Variants in RCAN1 observed in about 807,000 individuals in gnomAD.
The protein encoded by RCAN1 is regulator of calcineurin 1, also known as calcipressin-1.
A neutral mutation model predicts 22.9 loss-of-function variants in RCAN1; 11 were observed. The observed-to-expected ratio is 0.48, with a 90% CI of 0.30 to 0.79. The LOEUF (loss-of-function observed/expected upper bound fraction) is 0.79, where lower values mean the gene tolerates loss of function less well. Ranked by LOEUF, RCAN1 falls within the 30% of genes least tolerant of loss-of-function variation. RCAN1 has a pLI of 0.06. For synonymous variants in RCAN1, 136 were observed against 142.3 expected, an observed-to-expected ratio of 0.96 and a Z score of 0.32; for missense variants, 291 against 337.8, an observed-to-expected ratio of 0.86 and a Z score of 1.09.
chr21:34,523,895 G>T (rs1462274478), intron 1 of RCAN1, 185 bp from the exon 2 acceptor site: 6 of 439,886 alleles, frequency 1.4e-5, no homozygotes, highest in East Asian at 9.3e-5. Flanking sequence ...TGATTCTCCT[G>T]CCTCAGCCTC....
intron 1 of RCAN1, among the ~76,000 whole-genome samples, chr21:34,585,990 A>T (rs754707036): frequency 2.0e-5 from 3 of 152,164 alleles, no homozygotes; most frequent in Non-Finnish European, 2.9e-5. Flanking sequence ...CCAGGCTGAT[A>T]CAACAATCCT....
At chr21:34,566,307 G>A (rs1031436346) in intron 1 of RCAN1, among the ~76,000 whole-genome samples, 1 of 152,198 alleles carries the variant, frequency 6.6e-6, no homozygotes, top group African/African-American at 2.4e-5. Context: ...ACTAGGGTCT[G>A]TGGCAGGTTA....
intron 1 of RCAN1, among the ~76,000 whole-genome samples, chr21:34,578,586 C>T (rs1310740476): frequency 6.6e-6 from 1 of 152,170 alleles, no homozygotes; most frequent in Non-Finnish European, 1.5e-5. Context: ...CTGGTGTCTG[C>T]TCTGGTCTTG....
chr21:34,598,170 A>G (rs1341673439), intron 1 of RCAN1, among the ~76,000 whole-genome samples: 4 of 152,218 alleles, frequency 2.6e-5, no homozygotes, highest in Non-Finnish European at 4.4e-5. Context: ...TTTCGTTTTC[A>G]TTCTTGTAAG....
chr21:34,523,523 T>C lies in RCAN1; in HGVS notation c.426+14A>G, dbSNP rs370153477. The C allele has an allele frequency of 6.2e-7, 1 of 1,613,120 alleles. No individual in the cohort carries two copies. The highest frequency in any genetic ancestry group is 8.5e-7 in the Non-Finnish European group (1 of 1,179,508). On this transcript the variant is annotated intron_variant, in intron 2 of 3. Coordinates refer to ENST00000313806, the MANE Select transcript of RCAN1 (RefSeq NM_004414.7). ...GAGGAGGGAGAAGCATGCATAGCAA[T>C]GAACCCAACTCACCTGAGCAAAATA... is the stretch of plus-strand genomic sequence containing the variant.
Position 34,614,144 on chromosome 21 carries a change from A to G in RCAN1, c.252+616T>C. 1 of 785,778 alleles carries G rather than the reference A, an allele frequency of 1.3e-6. No homozygotes were observed. The highest frequency in any genetic ancestry group is 1.6e-6 in the Non-Finnish European group (1 of 620,532). The allele number at this position is 785,778 out of a possible 1,614,324, so 48.7% of individuals were successfully genotyped here. On this transcript the variant is annotated intron_variant, in intron 1 of 3. Coordinates refer to ENST00000313806, the MANE Select transcript of RCAN1 (RefSeq NM_004414.7). This position sits in a 1 kb window ranked among gnomAD's most constrained non-coding sequence, Gnocchi z 6.0. ...GTACTGGGTGTCCCCGATGGCGGCA[A>G]GCCACACCTTCACACAAGGGGGCAA...
At chr21:34,535,496 A>G (rs1037448100) in intron 1 of RCAN1, among the ~76,000 whole-genome samples, 1 of 152,082 alleles carries the variant, frequency 6.6e-6, no homozygotes, top group Admixed American at 6.5e-5. Context: ...AATGACAACT[A>G]AGAATTCTAA....
At chr21:34,607,441 G>A (rs1381476057) in intron 1 of RCAN1, among the ~76,000 whole-genome samples, 1 of 151,438 alleles carries the variant, frequency 6.6e-6, no homozygotes, top group East Asian at 1.9e-4. Context: ...CCAGGCTGTA[G>A]TGCAGTGGCG....
chr21:34,606,401 T>C (rs545502810), intron 1 of RCAN1, among the ~76,000 whole-genome samples: 4 of 152,326 alleles, frequency 2.6e-5, no homozygotes, highest in African/African-American at 7.2e-5. Flanking sequence ...TCTTGGTAAA[T>C]TCCTTTACTG....
intron 1 of RCAN1, among the ~76,000 whole-genome samples, chr21:34,584,029 C>T (rs1360228471): frequency 6.6e-6 from 1 of 152,202 alleles, no homozygotes; most frequent in Non-Finnish European, 1.5e-5. Flanking sequence ...TTCTTTGAGC[C>T]TCCTCCTGAA....
intron 1 of RCAN1, among the ~76,000 whole-genome samples, chr21:34,526,315 G>C (rs77382564): frequency 6.6e-6 from 1 of 152,072 alleles, no homozygotes; most frequent in African/African-American, 2.4e-5. Flanking sequence ...TATTCACAAC[G>C]CTGGCTACAA....
intron 3 of RCAN1, among the ~76,000 whole-genome samples, chr21:34,519,111 A>T (rs933068237): frequency 1.3e-5 from 2 of 152,188 alleles, no homozygotes; most frequent in Non-Finnish European, 2.9e-5. Flanking sequence ...TCAGTAAAGG[A>T]GACGGTAAAG....
chr21:34,545,878 C>G (rs1476237668), intron 1 of RCAN1, among the ~76,000 whole-genome samples: 2 of 152,334 alleles, frequency 1.3e-5, no homozygotes, highest in Non-Finnish European at 1.5e-5. Context: ...CGAAGAATAG[C>G]CCCAGCACAC....
intron 1 of RCAN1, among the ~76,000 whole-genome samples, chr21:34,531,449 T>C (rs1985383900): frequency 6.6e-6 from 1 of 152,206 alleles, no homozygotes; most frequent in South Asian, 2.1e-4. Context: ...GTAGGTTCTC[T>C]ATCCCATCCT....
intron 1 of RCAN1, among the ~76,000 whole-genome samples, chr21:34,606,560 G>T (rs975919151): frequency 1.3e-5 from 2 of 152,078 alleles, no homozygotes; most frequent in Admixed American, 6.5e-5. Flanking sequence ...AAAATTAAAG[G>T]TGATTATCAT....
At chr21:34,612,707 A>G (rs1988714519) in intron 1 of RCAN1, among the ~76,000 whole-genome samples, 1 of 152,060 alleles carries the variant, frequency 6.6e-6, no homozygotes, top group Non-Finnish European at 1.5e-5. Flanking sequence ...TCAACTCCAC[A>G]CCTTCAAGTC....
chr21:34,605,776 C>T (rs916787092), intron 1 of RCAN1, among the ~76,000 whole-genome samples: 5 of 151,980 alleles, frequency 3.3e-5, no homozygotes, highest in African/African-American at 7.2e-5. Flanking sequence ...AAAAATTAGC[C>T]GGGCGTGGTG....
At chr21:34,567,104 C>A (rs955384290) in intron 1 of RCAN1, among the ~76,000 whole-genome samples, 1 of 151,184 alleles carries the variant, frequency 6.6e-6, no homozygotes, top group Non-Finnish European at 1.5e-5. Flanking sequence ...CTCCCCACCC[C>A]CTAAATCCTG....
chr21:34,589,097 G>A (rs60354387), intron 1 of RCAN1, among the ~76,000 whole-genome samples: 39,116 of 152,058 alleles, frequency 0.26, 5,497 homozygotes, highest in South Asian at 0.36. Flanking sequence ...ACACAACAAT[G>A]TGAATATATT....
Sources: gnomAD v4.1 joint callset for allele counts (sites outside exome capture counted in the v4.1 genomes callset) on GRCh38, gnomAD v4.1.1 for gene constraint, Gnocchi (gnomAD v3.1) non-coding constraint, MANE v1.5 for transcripts, NCBI Gene and HGNC (gene_info 2026-07-23, HGNC 2026-07-21) for gene names.